ASH1L: variants seen among roughly 807,000 people sequenced by gnomAD.
ASH1L encodes ASH1 like histone lysine methyltransferase, also known as histone-lysine N-methyltransferase ASH1L.
Under a neutral mutation model 269.0 loss-of-function variants are expected in ASH1L, and 23 were observed. The observed-to-expected ratio is 0.09, with a 90% confidence interval of 0.06 to 0.12. The LOEUF is 0.12. Among genes scored for constraint, ASH1L ranks in the 10% least tolerant of loss-of-function variants. The pLI is 1.00. For synonymous variants in ASH1L, 1,187 were observed against 1,253.5 expected (o/e 0.95, Z 1.12); for missense variants, 2,912 against 3,567.8 (o/e 0.82, Z 4.68).
intron 2 of ASH1L, among the ~76,000 whole-genome samples, chr1:155,487,948 C>T (rs992659647): frequency 6.7e-6 from 1 of 149,524 alleles, no homozygotes; most frequent in Non-Finnish European, 1.5e-5. Flanking sequence ...AGCGCAGTGG[C>T]GCCATCTCGG....
At chr1:155,458,875 T>G (rs886700325) in intron 4 of ASH1L, among the ~76,000 whole-genome samples, 1 of 150,310 alleles carries the variant, frequency 6.7e-6, no homozygotes, top group African/African-American at 2.5e-5. Context: ...CTCAGTAAAA[T>G]TAATACATTA....
At chr1:155,539,506 G>A (rs1670280443) in intron 1 of ASH1L, among the ~76,000 whole-genome samples, 1 of 151,790 alleles carries the variant, frequency 6.6e-6, no homozygotes, top group African/African-American at 2.4e-5. Context: ...ACCCAGGCTG[G>A]AGAGCAGTGG....
chr1:155,341,806 G>C (rs1006040951), intron 25 of ASH1L, 130 bp downstream of exon 25: 2 of 906,160 alleles, frequency 2.2e-6, no homozygotes, highest in African/African-American at 3.3e-5. Context: ...AATAGAGACA[G>C]AGATATCCAT....
At chr1:155,354,270 C>A (rs986147779) in intron 16 of ASH1L, among the ~76,000 whole-genome samples, 1 of 152,160 alleles carries the variant, frequency 6.6e-6, no homozygotes, top group African/African-American at 2.4e-5. Flanking sequence ...TGGCAAAACC[C>A]CCTCTCTACT....
At chr1:155,471,183 G>C (rs1329927449) in intron 3 of ASH1L, among the ~76,000 whole-genome samples, 2 of 152,286 alleles carry the variant, frequency 1.3e-5, no homozygotes, top group Non-Finnish European at 1.5e-5. Flanking sequence ...TTCCAAGATA[G>C]AGAACAATTA....
chr1:155,461,466 C>T (rs1664296526), intron 3 of ASH1L, among the ~76,000 whole-genome samples: 1 of 152,012 alleles, frequency 6.6e-6, no homozygotes, highest in Admixed American at 6.6e-5. Flanking sequence ...ATTCAAGCAG[C>T]AAGATTGTTT....
intron 19 of ASH1L, among the ~76,000 whole-genome samples, chr1:155,348,688 C>T (rs1257243505): frequency 6.6e-6 from 1 of 152,044 alleles, no homozygotes; most frequent in Non-Finnish European, 1.5e-5. Flanking sequence ...TCAAGACCAG[C>T]CTGGCCAACA....
intron 1 of ASH1L, among the ~76,000 whole-genome samples, chr1:155,524,230 C>T (rs1317911343): frequency 1.3e-5 from 2 of 152,070 alleles, no homozygotes; most frequent in Non-Finnish European, 2.9e-5. Flanking sequence ...TCCCTTTAAA[C>T]ATACAAAGTA....
At chr1:155,382,829 G>A (rs1378342980) in intron 7 of ASH1L, among the ~76,000 whole-genome samples, 4 of 151,822 alleles carry the variant, frequency 2.6e-5, no homozygotes, top group African/African-American at 7.3e-5. Context: ...AGACTAAAGC[G>A]ATCCTCTCAC....
chr1:155,489,345 G>A (rs1428432051), intron 2 of ASH1L, among the ~76,000 whole-genome samples: 5 of 151,760 alleles, frequency 3.3e-5, no homozygotes, highest in East Asian at 1.9e-4. Flanking sequence ...GTGGTGGTGC[G>A]CACCTGTAAT....
chr1:155,383,000 GGCGTAAGCC>G (rs1657115554), intron 7 of ASH1L, among the ~76,000 whole-genome samples: 1 of 152,174 alleles, frequency 6.6e-6, no homozygotes, highest in South Asian at 2.1e-4. Context: ...TGGGATTACA[GGCGTAAGCC>G]GCCATGCCTG....
At chr1:155,418,083 C>G (rs1001710148) in intron 5 of ASH1L, among the ~76,000 whole-genome samples, 2 of 151,990 alleles carry the variant, frequency 1.3e-5, no homozygotes, top group African/African-American at 4.8e-5. Context: ...CCAACAAAAA[C>G]CAGACATACA....
chr1:155,481,214 T>C lies in ASH1L; in HGVS notation c.1656A>G (p.Glu552=). 6.2e-7 allele frequency: 1 copy of C among 1,614,074 alleles called. No homozygotes were observed. Among genetic ancestry groups the C allele is most frequent in the Non-Finnish European group, 8.5e-7 (1 of 1,179,996 alleles). The part of the protein sequence containing the change: ...TAKSPFSAVG[E]SNLPSPSPTV... ...TAGGTGATGGGGAAGGGAGATTGCT[T>C]TCTCCTACTGCACTGAATGGGGATT... Residue 552 remains glutamate, a synonymous_variant, in exon 3 of 28, where the codon GAA becomes GAG. Coordinates refer to ENST00000392403, the MANE Select transcript of ASH1L (RefSeq NM_018489.3).
Position 155,479,628 on chromosome 1 carries a change from G to A in ASH1L, c.3242C>T (p.Ala1081Val), listed in dbSNP as rs1474723198. 16 of 1,614,084 alleles carry A rather than the reference G, an allele frequency of 9.9e-6. No individual in the cohort carries two copies. The highest frequency in any genetic ancestry group is 5.0e-5 in the Admixed American group (3 of 60,010). Residue 1081 changes from alanine (A) to valine (V), a missense_variant, in exon 3 of 28, where the codon GCT (alanine) becomes GTT (valine). Physicochemically the swap from Ala to Val is moderately conservative, Grantham distance 64. Around this residue, in one of 13 missense-constraint regions of ASH1L, gnomAD observed 157 missense variants for 154.6 expected, o/e 1.02. Coordinates refer to ENST00000392403, the MANE Select transcript of ASH1L (RefSeq NM_018489.3). ...AVLEQTAQQA[A>V]GSALGQILPP... ...AAGAATCTGTCCTAATGCTGACCCA[G>A]CTGCCTGTTGAGCTGTTTGCTCAAG...
At chr1:155,534,257 A>G (rs1669895018) in intron 1 of ASH1L, among the ~76,000 whole-genome samples, 2 of 150,652 alleles carry the variant, frequency 1.3e-5, no homozygotes, top group Non-Finnish European at 2.9e-5. Flanking sequence ...ATACAAGCCT[A>G]CATTTTGAGA....
At chr1:155,390,083 A>T (rs961281486) in intron 7 of ASH1L, among the ~76,000 whole-genome samples, 12 of 152,082 alleles carry the variant, frequency 7.9e-5, no homozygotes, top group Admixed American at 2.0e-4. Context: ...CAATCTTAGG[A>T]GGAAACATTC....
At chr1:155,489,976 T>A (rs1419607569) in intron 2 of ASH1L, among the ~76,000 whole-genome samples, 1 of 151,456 alleles carries the variant, frequency 6.6e-6, no homozygotes, top group Non-Finnish European at 1.5e-5. Flanking sequence ...TGTAAGACTT[T>A]TTTTTTTTTT....
chr1:155,482,287 TA>T lies in ASH1L; in HGVS notation c.582del (p.Thr195LeufsTer10). 4 of 1,614,082 alleles carry T rather than the reference TA, an allele frequency of 2.5e-6. No homozygotes were observed. Among genetic ancestry groups the T allele is most frequent in the Non-Finnish European group, 3.4e-6 (4 of 1,179,996 alleles). The part of the protein sequence containing the change: ...EMADYINATP[S>X]TLLGSRDPDL... Reference sequence around the variant, plus strand: ...TCAGGATCCCGGCTACCAAGAAGAGTAGATGGCGTTGCATTAATATAATCTG... The same window carrying T: ...TCAGGATCCCGGCTACCAAGAAGAGTGATGGCGTTGCATTAATATAATCTG... On this transcript the variant is annotated frameshift_variant, in exon 3 of 28. Coordinates refer to ENST00000392403, the MANE Select transcript of ASH1L (RefSeq NM_018489.3). LOFTEE classifies it high-confidence loss of function.
intron 6 of ASH1L, among the ~76,000 whole-genome samples, chr1:155,408,998 A>T (rs1659539904): frequency 6.6e-6 from 1 of 152,118 alleles, no homozygotes; most frequent in African/African-American, 2.4e-5. Flanking sequence ...GCTAAAAATC[A>T]AGAAATAATG....
Sources: allele counts gnomAD v4.1 joint callset (sites outside exome capture counted in the v4.1 genomes callset), GRCh38; gene constraint gnomAD v4.1.1; regional missense constraint gnomAD v4.1.1; transcripts MANE v1.5; gene names NCBI Gene and HGNC (gene_info 2026-07-23, HGNC 2026-07-21).